The following PKD2 variants were observed in gnomAD, a reference collection of about 807,000 sequenced individuals.
The protein encoded by PKD2 is polycystin 2, transient receptor potential cation channel, also known as polycystin-2.
PKD2 carries 48 observed loss-of-function variants against 105.9 expected under a neutral mutation model. The ratio of observed to expected loss-of-function variants is 0.45; its 90% CI spans 0.36 to 0.58. PKD2 has a LOEUF of 0.58. Ranked by LOEUF, PKD2 falls within the 20% of genes least tolerant of loss-of-function variation. PKD2 has a pLI of 0.00. For synonymous variants in PKD2, 464 were observed against 481.1 expected, an observed-to-expected ratio of 0.96 and a Z score of 0.46; for missense variants, 1,078 against 1,255.3, an observed-to-expected ratio of 0.86 and a Z score of 2.13.
chr4:88,023,207 G>A (rs544836329), intron 2 of PKD2, among the ~76,000 whole-genome samples: 48 of 152,330 alleles, frequency 3.2e-4, no homozygotes, highest in African/African-American at 1.2e-3. Flanking sequence ...TCCAGCATCT[G>A]CTTCTGGGGA....
At chr4:88,047,207 A>C (rs1291679722) in intron 6 of PKD2, among the ~76,000 whole-genome samples, 1 of 152,072 alleles carries the variant, frequency 6.6e-6, no homozygotes, top group African/African-American at 2.4e-5. Flanking sequence ...TTTTTCTTCA[A>C]CTGCTGGTAA....
At chr4:88,008,779 T>C (rs541972658) in intron 1 of PKD2, among the ~76,000 whole-genome samples, 1 of 152,166 alleles carries the variant, frequency 6.6e-6, no homozygotes, top group Non-Finnish European at 1.5e-5. Context: ...CACTCCATTG[T>C]CCCGGGCTGA....
chr4:88,040,157 G>A (rs1727502952), intron 4 of PKD2, among the ~76,000 whole-genome samples: 1 of 152,136 alleles, frequency 6.6e-6, no homozygotes, highest in Admixed American at 6.6e-5. Context: ...CTTGCCCAAA[G>A]TGTCACAGCT....
chr4:88,009,125 C>T (rs1480622117), intron 1 of PKD2, among the ~76,000 whole-genome samples: 1 of 152,172 alleles, frequency 6.6e-6, no homozygotes, highest in East Asian at 1.9e-4. Context: ...GCGCCCAGCT[C>T]TACAAAAGGC....
intron 5 of PKD2, among the ~76,000 whole-genome samples, chr4:88,043,875 A>G (rs777516177): frequency 2.3e-4 from 35 of 152,178 alleles, no homozygotes; most frequent in Non-Finnish European, 4.4e-4. Flanking sequence ...ACACAAGCAC[A>G]GTAACCGGAG....
intron 1 of PKD2, among the ~76,000 whole-genome samples, chr4:88,012,244 G>A (rs1015798176): frequency 5.9e-5 from 9 of 152,108 alleles, no homozygotes; most frequent in Admixed American, 2.6e-4. Context: ...ACTCTCATCC[G>A]TCACCACTTT....
Position 88,008,371 on chromosome 4 carries a change from C to T in PKD2, c.595+43C>T, listed in dbSNP as rs556102892. On this transcript the variant is annotated intron_variant, in intron 1 of 14. Coordinates refer to ENST00000237596, the MANE Select transcript of PKD2 (RefSeq NM_000297.4). The stretch of plus-strand genomic sequence containing the variant: ...GCAGCGGCAGATGCACGAACCAGAA[C>T]GGCCGGCGCCGGCCGGGGCCATCGC... 4 of 1,471,826 alleles carry T rather than the reference C, an allele frequency of 2.7e-6. No individual in the cohort carries two copies. In the African/African-American group the frequency reaches 4.4e-5, roughly 16 times the overall value. The allele number at this position is 1,471,826 out of a possible 1,614,324, so 91.2% of individuals were successfully genotyped here.
chr4:88,029,041 A>T (rs1727052118), intron 2 of PKD2, among the ~76,000 whole-genome samples: 1 of 152,130 alleles, frequency 6.6e-6, no homozygotes. Flanking sequence ...GGTTTTAGTG[A>T]CTGTATTTCA....
chr4:88,067,438 TCAACCTCCC>T (rs1720837537), intron 12 of PKD2, among the ~76,000 whole-genome samples: 2 of 152,122 alleles, frequency 1.3e-5, no homozygotes, highest in African/African-American at 4.8e-5. Flanking sequence ...TCTTCCGACC[TCAACCTCCC>T]AGGTAGCTCA....
chr4:88,008,550 T>C (rs1726276285), intron 1 of PKD2, among the ~76,000 whole-genome samples: 1 of 152,162 alleles, frequency 6.6e-6, no homozygotes, highest in African/African-American at 2.4e-5. Flanking sequence ...ATTGGATACC[T>C]CCTTCTTCAG....
intron 11 of PKD2, 122 bp from the exon 12 acceptor site, chr4:88,065,640 T>A (rs1720764068): frequency 8.5e-7 from 1 of 1,182,666 alleles, no homozygotes. Context: ...GAACATGTTA[T>A]AAGAGGAAAA....
chr4:88,074,790 C>T (rs1721168989), intron 13 of PKD2, 22 bp from the exon 14 acceptor site: 1 of 1,613,720 alleles, frequency 6.2e-7, no homozygotes, highest in Non-Finnish European at 8.5e-7. Flanking sequence ...CTTTGTCCCT[C>T]TGTACTGTGT....
At chr4:88,046,554 T>C in intron 5 of PKD2, 88 bp from the exon 6 acceptor site, 1 of 824,074 alleles carries the variant, frequency 1.2e-6, no homozygotes, top group African/African-American at 1.7e-5. Flanking sequence ...TACCTTGTAA[T>C]GCATGAACAG....
chr4:88,037,979 T>C (rs967920323), intron 3 of PKD2, among the ~76,000 whole-genome samples: 1 of 152,210 alleles, frequency 6.6e-6, no homozygotes, highest in Non-Finnish European at 1.5e-5. Flanking sequence ...TGCCACGTAT[T>C]AAGTACCCAC....
intron 4 of PKD2, among the ~76,000 whole-genome samples, chr4:88,040,714 G>A (rs1375366373): frequency 1.3e-5 from 2 of 152,172 alleles, no homozygotes; most frequent in African/African-American, 2.4e-5. Flanking sequence ...GCAGAAAGTG[G>A]CAGTGTTGAC....
chr4:88,010,707 A>C (rs548380522), intron 1 of PKD2, among the ~76,000 whole-genome samples: 2 of 152,228 alleles, frequency 1.3e-5, no homozygotes, highest in Non-Finnish European at 2.9e-5. Context: ...CATTTATAAA[A>C]TGGAAGAATT....
intron 2 of PKD2, among the ~76,000 whole-genome samples, chr4:88,025,033 TGAGGCA>T (rs1321606227): frequency 5.9e-5 from 9 of 152,080 alleles, no homozygotes; most frequent in African/African-American, 1.4e-4. Context: ...CTTGGGAGGC[TGAGGCA>T]GGGAATTGCT....
chr4:88,034,445 C>T (rs1727262142), intron 2 of PKD2, among the ~76,000 whole-genome samples: 1 of 151,830 alleles, frequency 6.6e-6, no homozygotes, highest in South Asian at 2.1e-4. Context: ...GAGGTGGGAG[C>T]ATCACCTGAG....
chr4:88,011,622 A>G (rs983793565), intron 1 of PKD2, among the ~76,000 whole-genome samples: 3 of 152,104 alleles, frequency 2.0e-5, no homozygotes, highest in Non-Finnish European at 4.4e-5. Flanking sequence ...GCCATACTTT[A>G]TGTAATTTTT....
Sources: allele counts gnomAD v4.1 joint callset (sites outside exome capture counted in the v4.1 genomes callset), GRCh38; gene constraint gnomAD v4.1.1; transcripts MANE v1.5; gene names NCBI Gene and HGNC (gene_info 2026-07-23, HGNC 2026-07-21).